Variants in KCNS3 observed in about 807,000 individuals in gnomAD.
The protein encoded by KCNS3 is delayed-rectifier potassium channel regulatory subunit KCNS3.
KCNS3 carries 13 observed loss-of-function variants against 31.0 expected under a neutral mutation model. The ratio of observed to expected loss-of-function variants is 0.42; its 90% CI spans 0.27 to 0.67. The LOEUF is 0.67. Ranked by LOEUF, KCNS3 falls within the 30% of genes least tolerant of loss-of-function variation. The pLI is 0.25. For missense variants in KCNS3, 545 were observed against 622.4 expected, an observed-to-expected ratio of 0.88 and a Z score of 1.32; for synonymous variants, 238 against 241.5, an observed-to-expected ratio of 0.99 and a Z score of 0.13.
chr2:17,883,566 A>C (rs921062323), intron 1 of KCNS3, among the ~76,000 whole-genome samples: 1 of 152,168 alleles, frequency 6.6e-6, no homozygotes, highest in Admixed American at 6.5e-5. Context: ...TGAGGAAGAG[A>C]CATTTCATTT....
intron 1 of KCNS3, among the ~76,000 whole-genome samples, chr2:17,883,531 A>AAG (rs1674691175): frequency 6.6e-6 from 1 of 152,122 alleles, no homozygotes; most frequent in African/African-American, 2.4e-5. Flanking sequence ...ACTAGTTTAG[A>AAG]TGAGAGGGTC....
At chr2:17,878,649 G>C (rs1403330953), upstream of KCNS3, 4 of 149,058 alleles carry the variant, frequency 2.7e-5, no homozygotes, top group Non-Finnish European at 6.0e-5. Flanking sequence ...TCGCTCTAGC[G>C]GGGCGGGACC....
intron 1 of KCNS3, among the ~76,000 whole-genome samples, chr2:17,909,010 T>C (rs2125244512): frequency 6.6e-6 from 1 of 152,366 alleles, no homozygotes; most frequent in East Asian, 1.9e-4. Flanking sequence ...CATTTAAGTC[T>C]GCAGAGGTTT....
At chr2:17,887,529 A>ATCTATCTC (rs1661698139) in intron 1 of KCNS3, among the ~76,000 whole-genome samples, 1 of 151,324 alleles carries the variant, frequency 6.6e-6, no homozygotes, top group South Asian at 2.1e-4. Context: ...CTATCTATCT[A>ATCTATCTC]TCTCTGTATC....
In KCNS3 at chr2:17,931,826, A is replaced by C. The variant is rs1350631078; in HGVS notation, c.818A>C (p.Asp273Ala). 1 of 1,614,188 alleles carries C rather than the reference A, an allele frequency of 6.2e-7. No homozygotes were observed. Among genetic ancestry groups the C allele is most frequent in the Non-Finnish European group, 8.5e-7 (1 of 1,180,040 alleles). The stretch of plus-strand genomic sequence containing the variant: ...CCCTTCTATGCCACGTTGGCTGTAG[A>C]CACCAAGGAGGAAGAGAGTGAGGAT... ...IIPFYATLAV[D>A]TKEEESEDIE... Residue 273 changes from aspartate to alanine, a missense_variant, in exon 3 of 3, where the codon GAC becomes GCC. Transcript: ENST00000304101. The surrounding 1 kb of genome is among the most constrained non-coding windows in gnomAD (Gnocchi z 5.4).
At chr2:17,929,029 T>A (rs2344688) in intron 2 of KCNS3, among the ~76,000 whole-genome samples, 7,923 of 152,348 alleles carry the variant, frequency 0.052, 232 homozygotes, top group African/African-American at 0.086. Context: ...TTCACGCTGC[T>A]GTCATTGGCG....
At position 17,931,521 on chromosome 2, in the gene KCNS3, C is replaced by T; in HGVS notation, c.513C>T (p.Ile171=). 6.2e-7 allele frequency: 1 copy of T among 1,614,174 alleles called. No homozygotes were observed. Among genetic ancestry groups the T allele is most frequent in the Non-Finnish European group, 8.5e-7 (1 of 1,180,028 alleles). Residue 171 remains isoleucine, a synonymous_variant, in exon 3 of 3, where the codon ATC becomes ATT. Coordinates refer to ENST00000304101, the MANE Select transcript of KCNS3 (RefSeq NM_002252.5). The surrounding 1 kb of genome is among the most constrained non-coding windows in gnomAD (Gnocchi z 5.4). The part of the protein sequence containing the change: ...TLRFGQLRKK[I]WIRMENPAYC... Reference sequence around the variant, plus strand: ...GATTTGGTCAGCTCCGGAAGAAAATCTGGATTAGAATGGAGAATCCAGCGT... The same window carrying T: ...GATTTGGTCAGCTCCGGAAGAAAATTTGGATTAGAATGGAGAATCCAGCGT...
At chr2:17,904,813 G>T (rs7593607) in intron 1 of KCNS3, among the ~76,000 whole-genome samples, 34 of 151,124 alleles carry the variant, frequency 2.2e-4, no homozygotes, top group African/African-American at 7.8e-4. Flanking sequence ...TGTTCCATTG[G>T]TCTATATCTC....
chr2:17,884,106 T>G (rs1572475431), intron 1 of KCNS3, among the ~76,000 whole-genome samples: 4 of 57,022 alleles, frequency 7.0e-5, no homozygotes, highest in East Asian at 7.3e-4. Context: ...GGGCCTGTTG[T>G]GGGGTGGGGG....
chr2:17,901,895 T>C (rs1378680167), intron 1 of KCNS3, among the ~76,000 whole-genome samples: 1 of 152,180 alleles, frequency 6.6e-6, no homozygotes, highest in East Asian at 1.9e-4. Flanking sequence ...GGGACAACAG[T>C]TGGCCAGTGC....
intron 1 of KCNS3, among the ~76,000 whole-genome samples, chr2:17,890,585 C>T (rs1661824125): frequency 6.6e-6 from 1 of 152,142 alleles, no homozygotes; most frequent in Non-Finnish European, 1.5e-5. Flanking sequence ...TTCCTCTTAA[C>T]ACTGCCTTTG....
At chr2:17,910,126 A>C (rs1043866568) in intron 1 of KCNS3, among the ~76,000 whole-genome samples, 9 of 152,356 alleles carry the variant, frequency 5.9e-5, no homozygotes, top group Non-Finnish European at 1.2e-4. Context: ...CAATTACCAA[A>C]ATAGTAAAAG....
chr2:17,897,130 G>C (rs777024699), intron 1 of KCNS3, among the ~76,000 whole-genome samples: 1 of 151,750 alleles, frequency 6.6e-6, no homozygotes, highest in Non-Finnish European at 1.5e-5. Flanking sequence ...ACTCACATAA[G>C]TGAGAACATG....
intron 1 of KCNS3, among the ~76,000 whole-genome samples, chr2:17,904,783 T>C (rs1329637487): frequency 1.3e-5 from 2 of 152,210 alleles, no homozygotes; most frequent in Non-Finnish European, 2.9e-5. Flanking sequence ...TGTGTGGTAT[T>C]ATTTCTGAGG....
chr2:17,878,649 G>T (rs1403330953), upstream of KCNS3: 1 of 149,058 alleles, frequency 6.7e-6, no homozygotes, highest in Admixed American at 6.7e-5. Flanking sequence ...TCGCTCTAGC[G>T]GGGCGGGACC....
chr2:17,928,946 C>T (rs1254113154), intron 2 of KCNS3, among the ~76,000 whole-genome samples: 1 of 152,168 alleles, frequency 6.6e-6, no homozygotes, highest in Non-Finnish European at 1.5e-5. Flanking sequence ...TGTGTGTGTC[C>T]ATGTCCTTGC....
chr2:17,926,285 G>A (rs1371338340), intron 2 of KCNS3, among the ~76,000 whole-genome samples: 1 of 152,252 alleles, frequency 6.6e-6, no homozygotes, highest in African/African-American at 2.4e-5. Flanking sequence ...GGTGTTGAGT[G>A]TCTGTGGCTT....
At chr2:17,913,074 A>T (rs1369445460) in intron 1 of KCNS3, among the ~76,000 whole-genome samples, 1 of 151,936 alleles carries the variant, frequency 6.6e-6, no homozygotes, top group African/African-American at 2.4e-5. Context: ...ATATCAGTAC[A>T]TTTTTTTTCT....
intron 1 of KCNS3, among the ~76,000 whole-genome samples, chr2:17,882,929 G>A (rs1674674370): frequency 1.3e-5 from 2 of 152,030 alleles, no homozygotes; most frequent in South Asian, 4.1e-4. Flanking sequence ...TCTTTAATAA[G>A]CTAAAATAGT....
Sources: allele counts gnomAD v4.1 joint callset (sites outside exome capture counted in the v4.1 genomes callset), GRCh38; gene constraint gnomAD v4.1.1; non-coding constraint Gnocchi (gnomAD v3.1); transcripts MANE v1.5; gene names NCBI Gene and HGNC (gene_info 2026-07-23, HGNC 2026-07-21).